OSBP: variants seen among roughly 807,000 people sequenced by gnomAD.
The protein encoded by OSBP is oxysterol binding protein.
Under a neutral mutation model 96.6 loss-of-function variants are expected in OSBP, and 32 were observed. That is an observed-to-expected ratio of 0.33 (90% confidence interval 0.25 to 0.45). The LOEUF (loss-of-function observed/expected upper bound fraction) is 0.45. Ranked by LOEUF, OSBP falls within the 20% of genes least tolerant of loss-of-function variation. OSBP has a pLI of 1.00. For synonymous variants in OSBP, 369 were observed against 389.6 expected (o/e 0.95, Z 0.62); for missense variants, 653 against 1,029.7 (o/e 0.63, Z 5.01).
intron 3 of OSBP, among the ~76,000 whole-genome samples, chr11:59,605,215 C>A (rs1038727177): frequency 3.9e-5 from 6 of 152,046 alleles, no homozygotes; most frequent in Non-Finnish European, 8.8e-5. Flanking sequence ...CCACTACTAC[C>A]AAGCTTAGTT....
At chr11:59,614,748 G>GC (rs1320099797) in intron 1 of OSBP, among the ~76,000 whole-genome samples, 2 of 152,204 alleles carry the variant, frequency 1.3e-5, no homozygotes, top group Non-Finnish European at 2.9e-5. Context: ...GAGAGATAAG[G>GC]CAGAAAGGGG....
At position 59,598,052 on chromosome 11, in the gene OSBP, C is replaced by T. The variant is rs561970850; in HGVS notation, c.1311+2444G>A. Among the ~76,000 whole-genome samples, 18 of 152,302 alleles carry T rather than the reference C, an allele frequency of 1.2e-4. No individual in the cohort carries two copies. The South Asian group carries it at 3.7e-3, about 32-fold the overall frequency. On this transcript the variant is annotated intron_variant, in intron 7 of 13. Coordinates refer to ENST00000263847, the MANE Select transcript of OSBP (RefSeq NM_002556.3). ...ACAGGGTCTCCCCACGTTGCCCAGACTGGTCTTGAAGTCTTGGACTCAAGC... is the reference window on the plus strand; with the variant it reads ...ACAGGGTCTCCCCACGTTGCCCAGATTGGTCTTGAAGTCTTGGACTCAAGC...
intron 3 of OSBP, among the ~76,000 whole-genome samples, chr11:59,606,081 T>C (rs1219587352): frequency 6.6e-6 from 1 of 152,186 alleles, no homozygotes; most frequent in Non-Finnish European, 1.5e-5. Flanking sequence ...TGCTATACCA[T>C]AGCAGCCTGT....
chr11:59,592,244 T>TA (rs1170217001), intron 9 of OSBP, among the ~76,000 whole-genome samples: 15 of 152,260 alleles, frequency 9.9e-5, no homozygotes, highest in Admixed American at 5.2e-4. Flanking sequence ...ATGTATCACT[T>TA]AGTCTCCTTT....
At chr11:59,592,306 A>G (rs192705765) in intron 9 of OSBP, among the ~76,000 whole-genome samples, 155 of 152,324 alleles carry the variant, frequency 1.0e-3, no homozygotes, top group Middle Eastern at 3.4e-3. Flanking sequence ...TAACACTGCA[A>G]TTTCTTTTCT....
intron 9 of OSBP, among the ~76,000 whole-genome samples, chr11:59,585,521 C>T (rs1301892319): frequency 1.3e-5 from 2 of 152,042 alleles, no homozygotes; most frequent in South Asian, 2.1e-4. Flanking sequence ...CGCCCAGCAG[C>T]CACCCCGTCC....
chr11:59,582,597 G>A (rs868628250), intron 9 of OSBP, among the ~76,000 whole-genome samples: 3 of 152,140 alleles, frequency 2.0e-5, no homozygotes, highest in Non-Finnish European at 4.4e-5. Flanking sequence ...TCATTTTAAT[G>A]AATTATCAAA....
Position 59,576,362 on chromosome 11 carries a change from G to GT in OSBP, c.*214dup. ...ACTAAACCTCTCCCTTACAGACATA[G>GT]TATCTCCTATGTCGATTTCAGTTTC... On this transcript the variant is annotated 3_prime_UTR_variant, in exon 14 of 14. Coordinates refer to ENST00000263847, the MANE Select transcript of OSBP (RefSeq NM_002556.3). 1.8e-6 allele frequency: 1 copy of GT among 556,768 alleles called. No homozygotes were observed. The highest frequency in any genetic ancestry group is 3.3e-5 in the Admixed American group (1 of 30,602). 34.5% of individuals were successfully genotyped at this position (556,768 alleles called of 1,614,324 possible).
At chr11:59,585,664 G>A (rs1243771349) in intron 9 of OSBP, among the ~76,000 whole-genome samples, 1 of 152,266 alleles carries the variant, frequency 6.6e-6, no homozygotes, top group East Asian at 1.9e-4. Context: ...CGTCTGGGAG[G>A]TGTACCCAAC....
At chr11:59,603,190 T>TA (rs1325673364) in intron 3 of OSBP, among the ~76,000 whole-genome samples, 1 of 152,238 alleles carries the variant, frequency 6.6e-6, no homozygotes, top group Non-Finnish European at 1.5e-5. Flanking sequence ...ACATGCAATT[T>TA]AAAAACACAT....
intron 3 of OSBP, among the ~76,000 whole-genome samples, chr11:59,606,994 G>T (rs997226873): frequency 1.3e-5 from 2 of 152,012 alleles, no homozygotes; most frequent in African/African-American, 4.8e-5. Flanking sequence ...ACTTAGGGAA[G>T]AATTTCCCCA....
Position 59,610,383 on chromosome 11 carries a change from G to T in OSBP, c.569C>A (p.Ser190Ter). The stretch of plus-strand genomic sequence containing the variant: ...GGCAGGTGTTCTTTGTTCCTGACCT[G>T]ACTCTGCCAGCATCTTCACAGCTTT... ...KAKAVKMLAE[S>*]DESGDEESVS... Residue 190 changes from serine to a stop codon, truncating the protein, a stop_gained and splice_region_variant, in exon 2 of 14, where the codon TCA becomes TAA. Transcript: ENST00000263847. LOFTEE classifies it high-confidence loss of function. 1 of 1,612,716 alleles carries T rather than the reference G, an allele frequency of 6.2e-7. No homozygotes were observed. Among genetic ancestry groups the T allele is most frequent in the South Asian group, 1.1e-5 (1 of 91,014 alleles).
chr11:59,605,397 C>T (rs975084558), intron 3 of OSBP, among the ~76,000 whole-genome samples: 7 of 152,092 alleles, frequency 4.6e-5, no homozygotes, highest in African/African-American at 1.4e-4. Context: ...CCCTCATTCC[C>T]TTTTATTTCA....
chr11:59,596,586 CAAA>C (rs113563479), intron 7 of OSBP, among the ~76,000 whole-genome samples: 3 of 141,990 alleles, frequency 2.1e-5, no homozygotes, highest in African/African-American at 5.1e-5. Context: ...ATTAGGCACC[CAAA>C]AAAAAAAAAG....
At position 59,581,575 on chromosome 11, in the gene OSBP, C is replaced by T. The variant is rs906880696; in HGVS notation, c.1679-21G>A. The T allele has an allele frequency of 3.6e-6, 5 of 1,375,572 alleles. No individual in the cohort carries two copies. In the African/African-American group the frequency reaches 7.1e-5, roughly 20 times the overall value. The allele number at this position is 1,375,572 out of a possible 1,614,324, so 85.2% of individuals were successfully genotyped here. ...GGTACCTGGAAGCAGAAAGAGGTAT[C>T]CAAATTAAGCCAAATGTCAGAAAAA... On this transcript the variant is annotated intron_variant, in intron 9 of 13. Coordinates refer to ENST00000263847, the MANE Select transcript of OSBP (RefSeq NM_002556.3).
chr11:59,599,599 T>C (rs1184004306), intron 7 of OSBP, among the ~76,000 whole-genome samples: 2 of 152,204 alleles, frequency 1.3e-5, no homozygotes, highest in African/African-American at 2.4e-5. Context: ...ACAGTGGAAC[T>C]TGTTGGAACA....
At position 59,600,816 on chromosome 11, in the gene OSBP, T is replaced by A; in HGVS notation, c.1179+3A>T. 6.2e-7 allele frequency: 1 copy of A among 1,612,616 alleles called. No homozygotes were observed. Among genetic ancestry groups the A allele is most frequent in the South Asian group, 1.1e-5 (1 of 91,032 alleles). On this transcript the variant is annotated splice_donor_region_variant and intron_variant, in intron 6 of 13. Coordinates refer to ENST00000263847, the MANE Select transcript of OSBP (RefSeq NM_002556.3). ...CCTCTGAGATCTCCCATATAAGAAT[T>A]ACCTGTTCATCAAGGCTGATGTCAC...
chr11:59,593,914 A>T lies in OSBP; in HGVS notation c.1557+96T>A, dbSNP rs559995260. The T allele has an allele frequency of 1.9e-5, 28 of 1,485,860 alleles. No individual in the cohort carries two copies. The African/African-American group carries it at 3.9e-4, about 21-fold the overall frequency. The allele number at this position is 1,485,860 out of a possible 1,614,324, so 92.0% of individuals were successfully genotyped here. A position where few individuals can be genotyped will look rare whatever the true frequency, so the allele number is the denominator to read the frequency against. On this transcript the variant is annotated intron_variant, in intron 8 of 13. Transcript: ENST00000263847. ...AAGAATAAAAGCTGGGATGACAGGGACTAGAATTTCTGCAAACATAAGACC... is the reference window on the plus strand; with the variant it reads ...AAGAATAAAAGCTGGGATGACAGGGTCTAGAATTTCTGCAAACATAAGACC...
intron 9 of OSBP, among the ~76,000 whole-genome samples, chr11:59,587,149 T>C (rs1470350456): frequency 1.3e-5 from 2 of 152,086 alleles, no homozygotes; most frequent in African/African-American, 4.8e-5. Flanking sequence ...ATATCTAGAA[T>C]ATACGGAGAA....
Sources: allele counts gnomAD v4.1 joint callset (sites outside exome capture counted in the v4.1 genomes callset), GRCh38; gene constraint gnomAD v4.1.1; transcripts MANE v1.5; gene names NCBI Gene and HGNC (gene_info 2026-07-23, HGNC 2026-07-21).